The following SEMA6D variants were observed in gnomAD, a reference collection of about 807,000 sequenced individuals.
SEMA6D encodes the protein semaphorin 6D.
SEMA6D carries 35 observed loss-of-function variants against 106.6 expected under a neutral mutation model. That is an observed-to-expected ratio of 0.33 (90% CI 0.25 to 0.44). The LOEUF (loss-of-function observed/expected upper bound fraction) is 0.44, where lower values mean the gene tolerates loss of function less well. SEMA6D is among the 20% of genes least tolerant of loss of function. The pLI, the probability that SEMA6D is intolerant of heterozygous loss-of-function variation, is 1.00. For synonymous variants in SEMA6D, 499 were observed against 487.7 expected (o/e 1.02, Z -0.31); for missense variants, 1,185 against 1,345.9 (o/e 0.88, Z 1.87).
chr15:47,467,240 C>A (rs1046248602), intron 2 of SEMA6D, among the ~76,000 whole-genome samples: 6 of 152,080 alleles, frequency 3.9e-5, no homozygotes, highest in East Asian at 1.9e-4. Flanking sequence ...AGGCTGAGAT[C>A]ATTTTAGAAG....
intron 1 of SEMA6D, among the ~76,000 whole-genome samples, chr15:47,187,815 G>C (rs1893681762): frequency 6.6e-6 from 1 of 151,990 alleles, no homozygotes; most frequent in African/African-American, 2.4e-5. Flanking sequence ...GGAATTAGTG[G>C]GGGGAGGGGT....
chr15:47,303,190 G>T lies in SEMA6D; in HGVS notation c.-238-109203G>T, dbSNP rs144994656. 2.2e-3 allele frequency among the ~76,000 whole-genome samples: 339 copies of T among 152,242 alleles called. 2 individuals are homozygous for T. Among genetic ancestry groups the T allele is most frequent in the Non-Finnish European group, 1.1e-3 (76 of 68,014 alleles). On this transcript the variant is annotated intron_variant, in intron 1 of 19. Transcript: ENST00000558014. ...TACGTAGAAACAGACCTTCATCACC[G>T]CCTTGTTCCCCAAAAGTCTAAGACA...
intron 4 of SEMA6D, among the ~76,000 whole-genome samples, chr15:47,627,191 G>A (rs1462782789): frequency 6.6e-6 from 1 of 152,054 alleles, no homozygotes; most frequent in East Asian, 1.9e-4. Flanking sequence ...TAGGAGGAGT[G>A]GGAGGAAGGA....
chr15:47,613,571 A>T (rs1223203699), intron 4 of SEMA6D, among the ~76,000 whole-genome samples: 1 of 152,202 alleles, frequency 6.6e-6, no homozygotes, highest in Non-Finnish European at 1.5e-5. Flanking sequence ...TGGTGCTTAC[A>T]GGACAAATTG....
intron 1 of SEMA6D, among the ~76,000 whole-genome samples, chr15:47,260,783 T>C (rs1424034371): frequency 1.3e-5 from 2 of 152,138 alleles, no homozygotes; most frequent in Admixed American, 6.5e-5. Context: ...GGAAAAATAG[T>C]GCTTTCCTTG....
chr15:47,510,639 G>C (rs2044197420), intron 3 of SEMA6D, among the ~76,000 whole-genome samples: 1 of 152,168 alleles, frequency 6.6e-6, no homozygotes, highest in Admixed American at 6.5e-5. Context: ...AACAACATAA[G>C]ACGGCCAGAA....
intron 2 of SEMA6D, among the ~76,000 whole-genome samples, chr15:47,465,605 T>G (rs2042634508): frequency 6.6e-6 from 1 of 152,166 alleles, no homozygotes; most frequent in African/African-American, 2.4e-5. Context: ...TTTTCCTTGC[T>G]GGTGTCATGA....
At chr15:47,395,868 A>T (rs554834179) in intron 1 of SEMA6D, among the ~76,000 whole-genome samples, 6 of 152,310 alleles carry the variant, frequency 3.9e-5, no homozygotes, top group African/African-American at 1.4e-4. Flanking sequence ...TACTCAATAT[A>T]TGGAGCTGTT....
At chr15:47,420,146 C>T (rs1416377548) in intron 2 of SEMA6D, among the ~76,000 whole-genome samples, 2 of 152,092 alleles carry the variant, frequency 1.3e-5, no homozygotes, top group Non-Finnish European at 2.9e-5. Flanking sequence ...AAACAGTGGC[C>T]TTCAGCTTGG....
At position 47,630,710 on chromosome 15, in the gene SEMA6D, C is replaced by T. The variant is rs376735762; in HGVS notation, c.-55+29814C>T. Among the ~76,000 whole-genome samples, 35 of 151,908 alleles carry T rather than the reference C, an allele frequency of 2.3e-4. No homozygotes were observed. The East Asian group carries it at 5.6e-3, about 24-fold the overall frequency. On this transcript the variant is annotated intron_variant, in intron 4 of 19. Coordinates refer to the SEMA6D transcript ENST00000558014. ...AATAGCATTCAGTCTTTCATTATTA[C>T]GTATGATATTAGCTGTTGGGTTTTT...
At position 47,772,357 on chromosome 15, in the gene SEMA6D, C is replaced by CGTGTGTGTGT. The variant is rs71432251; in HGVS notation, c.*597_*606dup. The CGTGTGTGTGT allele has an allele frequency of 0.22, 30,712 of 141,460 alleles. 3,665 individuals carry two copies. Among genetic ancestry groups the CGTGTGTGTGT allele is most frequent in the Middle Eastern group, 0.26 (71 of 268 alleles). The allele number at this position is 141,460 out of a possible 1,614,324, so 8.8% of individuals were successfully genotyped here. A position where few individuals can be genotyped will look rare whatever the true frequency, so the allele number is the denominator to read the frequency against. On this transcript the variant is annotated 3_prime_UTR_variant, in exon 19 of 19. Coordinates refer to ENST00000536845, the MANE Select transcript of SEMA6D (RefSeq NM_001358351.3). ...CACCAACAAACTTGTTGTGTGTGTG[C>CGTGTGTGTGT]GTGTGTGTGTGTGTGTGTGTGTGTG...
chr15:47,494,112 G>T (rs1294369689), intron 3 of SEMA6D, among the ~76,000 whole-genome samples: 1 of 152,066 alleles, frequency 6.6e-6, no homozygotes, highest in Non-Finnish European at 1.5e-5. Context: ...AGTGCTTGCT[G>T]GTTCACGCCT....
At chr15:47,496,949 C>CTGGTTTG (rs2043684477) in intron 3 of SEMA6D, among the ~76,000 whole-genome samples, 2 of 152,038 alleles carry the variant, frequency 1.3e-5, no homozygotes, top group African/African-American at 4.8e-5. Context: ...AGTTGCACTG[C>CTGGTTTG]AGTCCTTCAA....
At chr15:47,740,303 C>T (rs2080727913) in intron 1 of SEMA6D, among the ~76,000 whole-genome samples, 1 of 152,072 alleles carries the variant, frequency 6.6e-6, no homozygotes, top group Non-Finnish European at 1.5e-5. Context: ...GGCAGATCAG[C>T]AGGTCAAGAG....
At chr15:47,309,414 G>A (rs2036356971) in intron 1 of SEMA6D, among the ~76,000 whole-genome samples, 1 of 152,050 alleles carries the variant, frequency 6.6e-6, no homozygotes, top group Admixed American at 6.6e-5. Context: ...ATCAACTGTT[G>A]GGGTATCACA....
chr15:47,513,142 T>G (rs974647697), intron 3 of SEMA6D, among the ~76,000 whole-genome samples: 1 of 152,102 alleles, frequency 6.6e-6, no homozygotes, highest in Non-Finnish European at 1.5e-5. Flanking sequence ...GGGCACACAT[T>G]TAACCTTTGG....
chr15:47,186,486 T>C (rs1893580253), intron 1 of SEMA6D, among the ~76,000 whole-genome samples: 1 of 152,012 alleles, frequency 6.6e-6, no homozygotes, highest in African/African-American at 2.4e-5. Flanking sequence ...TCTTTTATCA[T>C]AATGTTTATA....
intron 3 of SEMA6D, among the ~76,000 whole-genome samples, chr15:47,568,213 A>G (rs1027869004): frequency 6.6e-6 from 1 of 151,488 alleles, no homozygotes; most frequent in Non-Finnish European, 1.5e-5. Flanking sequence ...AAAAAAGACA[A>G]AAACCGCAAT....
intron 4 of SEMA6D, among the ~76,000 whole-genome samples, chr15:47,704,908 A>G (rs1368788535): frequency 1.3e-5 from 2 of 152,222 alleles, no homozygotes; most frequent in African/African-American, 2.4e-5. Flanking sequence ...AAATTATCCT[A>G]TTCTAGTTTT....
Sources: gnomAD v4.1 joint callset for allele counts (sites outside exome capture counted in the v4.1 genomes callset) on GRCh38, gnomAD v4.1.1 for gene constraint, MANE v1.5 for transcripts, NCBI Gene and HGNC (gene_info 2026-07-23, HGNC 2026-07-21) for gene names.